Variants in SP3 observed in about 807,000 individuals in gnomAD.
SP3 encodes transcription factor Sp3.
Under a neutral mutation model 70.3 loss-of-function variants are expected in SP3, and 10 were observed. That is an observed-to-expected ratio of 0.14 (90% CI 0.09 to 0.24). The LOEUF is 0.24. Among genes scored for constraint, SP3 ranks in the 10% least tolerant of loss-of-function variants. The probability of loss-of-function intolerance (pLI) is 1.00; values close to 1 mark genes in which losing one functional copy is unlikely to be tolerated. For synonymous variants in SP3, 402 were observed against 333.5 expected (o/e 1.21, Z -2.24); for missense variants, 825 against 914.6 (o/e 0.90, Z 1.26).
intron 4 of SP3, among the ~76,000 whole-genome samples, chr2:173,923,152 T>C (rs540918469): frequency 6.6e-6 from 1 of 152,304 alleles, no homozygotes; most frequent in South Asian, 2.1e-4. Context: ...CACTGTTTTT[T>C]TATGTCTATT....
chr2:173,920,339 GA>G (rs1221966681), intron 4 of SP3, among the ~76,000 whole-genome samples: 4 of 152,154 alleles, frequency 2.6e-5, no homozygotes, highest in Non-Finnish European at 5.9e-5. Flanking sequence ...TACTATGTAT[GA>G]TGTAATATAG....
chr2:173,932,557 G>A (rs1387128196), intron 4 of SP3, among the ~76,000 whole-genome samples: 3 of 152,114 alleles, frequency 2.0e-5, no homozygotes, highest in African/African-American at 4.8e-5. Context: ...ATGAGGAAAC[G>A]GCTGGTCGTT....
chr2:173,942,979 G>A (rs950716534), intron 4 of SP3, among the ~76,000 whole-genome samples: 2 of 152,092 alleles, frequency 1.3e-5, no homozygotes, highest in Non-Finnish European at 2.9e-5. Flanking sequence ...CTTGTGGGAG[G>A]ATGTGTGTAG....
intron 2 of SP3, 33 bp from the exon 3 acceptor site, chr2:173,963,916 CAG>C (rs751630783): frequency 4.9e-5 from 70 of 1,419,094 alleles, no homozygotes; most frequent in Middle Eastern, 2.7e-4. Flanking sequence ...GAGAGGGAGA[CAG>C]GGGGAGGGGG....
In SP3 at chr2:173,955,670, C is replaced by T. The variant is rs748804569; in HGVS notation, c.842G>A (p.Gly281Asp). 5.0e-5 allele frequency: 81 copies of T among 1,613,948 alleles called. No homozygotes were observed. Among genetic ancestry groups the T allele is most frequent in the Non-Finnish European group, 5.6e-5 (66 of 1,179,956 alleles). Residue 281 changes from glycine (G) to aspartate (D), a missense_variant, in exon 4 of 7, where the codon GGC (glycine) becomes GAC (aspartate). Coordinates refer to ENST00000310015, the MANE Select transcript of SP3 (RefSeq NM_003111.5). ...SVDLDSLGLS[G>D]SSQTMTAGIN... ...GCCTGCAGTCATTGTCTGAGAACTG[C>T]CCGAGAGTCCCAAAGAATCTAGATC...
intron 3 of SP3, among the ~76,000 whole-genome samples, chr2:173,959,419 AAGG>A (rs1173925739): frequency 1.3e-5 from 2 of 151,930 alleles, no homozygotes. Context: ...AAAAGAATAA[AAGG>A]AGATTTAAAA....
At chr2:173,961,935 GTTTTTTTTTTTT>G (rs536537799) in intron 3 of SP3, among the ~76,000 whole-genome samples, 2 of 81,014 alleles carry the variant, frequency 2.5e-5, no homozygotes, top group Non-Finnish European at 4.8e-5. Context: ...TATGGTTTGG[GTTTTTTTTTTTT>G]TTTTTTTTTT....
intron 4 of SP3, among the ~76,000 whole-genome samples, chr2:173,919,404 T>TA (rs1689688980): frequency 1.3e-5 from 2 of 152,234 alleles, no homozygotes; most frequent in Non-Finnish European, 2.9e-5. Flanking sequence ...ACAGATACTT[T>TA]AAAAATAAGT....
At position 173,909,918 on chromosome 2, in the gene SP3, A is replaced by AG; in HGVS notation, c.*22_*23insC. ...TCACTACTGTATAAAAATAACCACA[A>AG]TGAATAAGTATTTGTGTAATATTTA... On this transcript the variant is annotated 3_prime_UTR_variant, in exon 7 of 7. Coordinates refer to ENST00000310015, the MANE Select transcript of SP3 (RefSeq NM_003111.5). The AG allele has an allele frequency of 6.3e-7, 1 of 1,597,862 alleles. No individual in the cohort carries two copies. The highest frequency in any genetic ancestry group is 8.6e-7 in the Non-Finnish European group (1 of 1,166,522).
chr2:173,943,865 T>A (rs1421033525), intron 4 of SP3, among the ~76,000 whole-genome samples: 4 of 152,252 alleles, frequency 2.6e-5, no homozygotes, highest in Non-Finnish European at 5.9e-5. Flanking sequence ...CAGTCTTTCT[T>A]ACACAAACCT....
intron 4 of SP3, among the ~76,000 whole-genome samples, chr2:173,953,172 T>C (rs544533205): frequency 1.3e-5 from 2 of 152,392 alleles, no homozygotes; most frequent in Non-Finnish European, 2.9e-5. Context: ...TTTCTTTAAC[T>C]GCAAGTGCAT....
intron 4 of SP3, among the ~76,000 whole-genome samples, chr2:173,928,516 AAGC>A (rs920817738): frequency 6.6e-6 from 1 of 152,058 alleles, no homozygotes; most frequent in African/African-American, 2.4e-5. Context: ...AAAAAAAAAA[AAGC>A]AGAACTGCCT....
chr2:173,921,941 T>A (rs776735260), intron 4 of SP3, among the ~76,000 whole-genome samples: 1 of 152,322 alleles, frequency 6.6e-6, no homozygotes, highest in East Asian at 1.9e-4. Flanking sequence ...ACTTCTACCA[T>A]GTGACGTGCC....
rs1691169814 is a variant in SP3, at chr2:173,963,828, G to C, written c.212C>G (p.Pro71Arg). 1 of 1,485,942 alleles carries C rather than the reference G, an allele frequency of 6.7e-7. No individual in the cohort carries two copies. The highest frequency in any genetic ancestry group is 9.0e-7 in the Non-Finnish European group (1 of 1,111,316). The allele number at this position is 1,485,942 out of a possible 1,614,324, so 92.0% of individuals were successfully genotyped here. A position where few individuals can be genotyped will look rare whatever the true frequency, so the allele number is the denominator to read the frequency against. ...CTCCTCGTCGTCGCCCGGCGATGGC[G>C]GCCCTATCTTGCTGCAGGTAGCGGC... The part of the protein sequence containing the change: ...LLAATCSKIG[P>R]PSPGDDEEEA... Residue 71 changes from proline to arginine, a missense_variant, in exon 3 of 7, where the codon CCG becomes CGG. This residue lies in a region of SP3 where 678 missense variants were observed against 651.6 expected (regional missense o/e 1.04). Transcript: ENST00000310015.
At chr2:173,944,508 G>A (rs557099815) in intron 4 of SP3, among the ~76,000 whole-genome samples, 1 of 152,306 alleles carries the variant, frequency 6.6e-6, no homozygotes, top group Non-Finnish European at 1.5e-5. Flanking sequence ...GGGTGACAGA[G>A]CTAGACCTTG....
Position 173,902,805 on chromosome 2 carries a change from A to T in SP3, c.*7136T>A, listed in dbSNP as rs374163743. ...ATAAGGATATAAAACCACTCATGGTATCATTCTGATAAACATCAAATTCAG... is the reference window on the plus strand; with the variant it reads ...ATAAGGATATAAAACCACTCATGGTTTCATTCTGATAAACATCAAATTCAG... On this transcript the variant is annotated 3_prime_UTR_variant, in exon 7 of 7. Transcript: ENST00000310015. Among the ~76,000 whole-genome samples, 4 of 152,236 alleles carry T rather than the reference A, an allele frequency of 2.6e-5. No individual in the cohort carries two copies. The highest frequency in any genetic ancestry group is 3.8e-4 in the East Asian group (2 of 5,204).
In SP3 at chr2:173,965,017, G is replaced by A. The variant is rs1574432703; in HGVS notation, c.7+148C>T. ...CGGTGGCTGGCGGGGAGGGGAGGGA[G>A]GCGCAGGGGAGTGCAGCTTTCTGCC... On this transcript the variant is annotated intron_variant, in intron 1 of 6. Coordinates refer to ENST00000310015, the MANE Select transcript of SP3 (RefSeq NM_003111.5). The A allele has an allele frequency of 4.0e-6, 4 of 1,003,556 alleles. No homozygotes were observed. The East Asian group carries it at 9.2e-5, about 23-fold the overall frequency. 62.2% of individuals were successfully genotyped at this position (1,003,556 alleles called of 1,614,324 possible).
rs557078176 is a variant in SP3, at chr2:173,906,940, G to A, written c.*3001C>T. The A allele has an allele frequency of 6.6e-6, 1 of 152,172 alleles. No individual in the cohort carries two copies. Among genetic ancestry groups the A allele is most frequent in the East Asian group, 1.9e-4 (1 of 5,198 alleles). The allele number at this position is 152,172 out of a possible 1,614,324, so 9.4% of individuals were successfully genotyped here. A position where few individuals can be genotyped will look rare whatever the true frequency, so the allele number is the denominator to read the frequency against. On this transcript the variant is annotated 3_prime_UTR_variant, in exon 7 of 7. Transcript: ENST00000310015. ...TTTAAGAACTATTTTCTATGAAATA[G>A]GCTTGACATGCTTTCAGCTTATATG...
intron 4 of SP3, among the ~76,000 whole-genome samples, chr2:173,951,359 T>C (rs762932546): frequency 6.6e-6 from 1 of 152,244 alleles, no homozygotes; most frequent in Non-Finnish European, 1.5e-5. Context: ...TATATGTGTA[T>C]ACTGATACTT....
Sources: gnomAD v4.1 joint callset for allele counts (sites outside exome capture counted in the v4.1 genomes callset) on GRCh38, gnomAD v4.1.1 for gene constraint, gnomAD v4.1.1 regional missense constraint, MANE v1.5 for transcripts, NCBI Gene and HGNC (gene_info 2026-07-23, HGNC 2026-07-21) for gene names.